The following SIRT1 variants were observed in gnomAD, a reference collection of about 807,000 sequenced individuals.
The protein encoded by SIRT1 is sirtuin 1.
In SIRT1, 24 loss-of-function variants were observed where a neutral mutation model predicts 67.9. That is an observed-to-expected ratio of 0.35 (90% confidence interval 0.26 to 0.50). SIRT1 has a LOEUF of 0.50. Among genes scored for constraint, SIRT1 ranks in the 20% least tolerant of loss-of-function variants. The pLI is 0.98. For missense variants in SIRT1, 873 were observed against 937.2 expected (o/e 0.93, Z 0.89); for synonymous variants, 378 against 350.7 (o/e 1.08, Z -0.87).
chr10:67,911,157 C>T (rs1452770617), intron 7 of SIRT1, among the ~76,000 whole-genome samples: 1 of 152,152 alleles, frequency 6.6e-6, no homozygotes, highest in Non-Finnish European at 1.5e-5. Flanking sequence ...TTGAGTTGCT[C>T]TTCTTAAAGC....
chr10:67,900,054 A>T (rs1842717649), intron 4 of SIRT1, among the ~76,000 whole-genome samples: 1 of 152,214 alleles, frequency 6.6e-6, no homozygotes, highest in Non-Finnish European at 1.5e-5. Context: ...GCTGTACTCC[A>T]GCCTGGGCAA....
rs1237527190 is a variant in SIRT1 at position 67,917,599 on chromosome 10, CCT to C, written c.*1007_*1008del. 6.6e-6 allele frequency: 1 copy of C among 152,434 alleles called. No homozygotes were observed. Among genetic ancestry groups the C allele is most frequent in the African/African-American group, 2.4e-5 (1 of 41,372 alleles). 9.4% of individuals were successfully genotyped at this position (152,434 alleles called of 1,614,324 possible). On this transcript the variant is annotated 3_prime_UTR_variant, in exon 9 of 9. Coordinates refer to ENST00000212015, the MANE Select transcript of SIRT1 (RefSeq NM_012238.5). ...CCATTAATGAGGAGAGCAACAGGCC[CCT>C]GATTATACAGTTCCAAAGTAATAAG...
At chr10:67,905,377 T>A (rs1394805672) in intron 4 of SIRT1, among the ~76,000 whole-genome samples, 1 of 152,246 alleles carries the variant, frequency 6.6e-6, no homozygotes, top group East Asian at 1.9e-4. Flanking sequence ...ATGCACTCTC[T>A]ATTTCTTAAA....
At chr10:67,896,581 A>C (rs933622023) in intron 4 of SIRT1, among the ~76,000 whole-genome samples, 10 of 152,108 alleles carry the variant, frequency 6.6e-5, no homozygotes, top group African/African-American at 2.2e-4. Context: ...GGATCACTTG[A>C]GGCTGGGAGT....
intron 8 of SIRT1, among the ~76,000 whole-genome samples, chr10:67,915,029 G>T (rs141838640): frequency 0.02 from 3,049 of 151,968 alleles, 40 homozygotes; most frequent in Non-Finnish European, 0.031. Context: ...CCCTGCCTGT[G>T]GTGTCTTGGG....
At chr10:67,907,015 T>C in intron 5 of SIRT1, 78 bp downstream of exon 5, 1 of 1,232,646 alleles carries the variant, frequency 8.1e-7, no homozygotes, top group Non-Finnish European at 1.1e-6. Context: ...CTGACTGCCA[T>C]CGAGAAGTGG....
chr10:67,884,779 GCCGACAGGGAGGCCGCGTCGTCCC>G lies in SIRT1; in HGVS notation c.62_85del (p.Asp21_Pro28del). The stretch of plus-strand genomic sequence containing the variant: ...CGGCGGCTCCCCCTCGGCGGCGGGG[GCCGACAGGGAGGCCGCGTCGTCCC>G]CCGCCGGGGAGCCGCTCCGCAAGAG... On this transcript the variant is annotated inframe_deletion, in exon 1 of 9. Transcript: ENST00000212015. 1 of 1,226,800 alleles carries G rather than the reference GCCGACAGGGAGGCCGCGTCGTCCC, an allele frequency of 8.2e-7. No individual in the cohort carries two copies. The highest frequency in any genetic ancestry group is 1.0e-6 in the Non-Finnish European group (1 of 984,648). 76.0% of individuals were successfully genotyped at this position (1,226,800 alleles called of 1,614,324 possible).
chr10:67,909,172 C>T, intron 6 of SIRT1, 84 bp from the exon 7 acceptor site: 10 of 854,204 alleles, frequency 1.2e-5, no homozygotes, highest in South Asian at 4.0e-5. Flanking sequence ...GAAATGTATT[C>T]TTAGAGGTAT....
At chr10:67,896,910 C>T (rs1286918108) in intron 4 of SIRT1, among the ~76,000 whole-genome samples, 3 of 152,074 alleles carry the variant, frequency 2.0e-5, no homozygotes, top group Non-Finnish European at 2.9e-5. Flanking sequence ...ACTTTAATCC[C>T]AGCCCTTTGG....
chr10:67,884,804 C>T lies in SIRT1; in HGVS notation c.83C>T (p.Pro28Leu). The change falls in exon 1 of 9, where the codon CCC (proline) becomes CTC (leucine). Residue 28 changes from proline (P) to leucine (L), a missense_variant. Coordinates refer to ENST00000212015, the MANE Select transcript of SIRT1 (RefSeq NM_012238.5). The part of the protein sequence containing the change: ...AGADREAASS[P>L]AGEPLRKRPR... ...GCCGACAGGGAGGCCGCGTCGTCCCCCGCCGGGGAGCCGCTCCGCAAGAGG... is the reference window on the plus strand; with the variant it reads ...GCCGACAGGGAGGCCGCGTCGTCCCTCGCCGGGGAGCCGCTCCGCAAGAGG... 8.2e-7 allele frequency: 1 copy of T among 1,226,144 alleles called. No individual in the cohort carries two copies. The highest frequency in any genetic ancestry group is 1.0e-6 in the Non-Finnish European group (1 of 984,322). 76.0% of individuals were successfully genotyped at this position (1,226,144 alleles called of 1,614,324 possible). A position where few individuals can be genotyped will look rare whatever the true frequency, so the allele number is the denominator to read the frequency against.
intron 1 of SIRT1, among the ~76,000 whole-genome samples, chr10:67,886,813 A>G (rs943354611): frequency 3.0e-4 from 45 of 150,104 alleles, no homozygotes; most frequent in African/African-American, 1.1e-3. Flanking sequence ...CACGAACGCT[A>G]TTGTTTGTGA....
chr10:67,913,004 A>C lies in SIRT1; in HGVS notation c.1888A>C (p.Lys630Gln). ...AAAATGCTGGCCTAATAGAGTGGCAAAGGAGCAGATTAGTAGGCGGCTTGA... is the reference window on the plus strand; with the variant it reads ...AAAATGCTGGCCTAATAGAGTGGCACAGGAGCAGATTAGTAGGCGGCTTGA... ...VRKCWPNRVA[K>Q]EQISRRLDGN... The change falls in exon 8 of 9, where the codon AAG (lysine) becomes CAG (glutamine). Residue 630 changes from lysine (K) to glutamine (Q), a missense_variant. Lys to Gln is a moderately conservative substitution (Grantham distance 53, BLOSUM62 1). This residue lies in a region of SIRT1 where 295 missense variants were observed against 294.5 expected (regional missense o/e 1.00). Coordinates refer to ENST00000212015, the MANE Select transcript of SIRT1 (RefSeq NM_012238.5). 1 of 1,610,118 alleles carries C rather than the reference A, an allele frequency of 6.2e-7. No individual in the cohort carries two copies. Among genetic ancestry groups the C allele is most frequent in the Non-Finnish European group, 8.5e-7 (1 of 1,178,834 alleles).
chr10:67,893,377 T>TA (rs1842603844), intron 4 of SIRT1, among the ~76,000 whole-genome samples: 1 of 152,162 alleles, frequency 6.6e-6, no homozygotes, highest in Admixed American at 6.6e-5. Context: ...AACTCTCACT[T>TA]ATGAGTGAGG....
chr10:67,909,358 G>C lies in SIRT1; in HGVS notation c.1273G>C (p.Ala425Pro), dbSNP rs200690371. 1.2e-6 allele frequency: 2 copies of C among 1,613,764 alleles called. No individual in the cohort carries two copies. The highest frequency in any genetic ancestry group is 1.7e-6 in the Non-Finnish European group (2 of 1,179,972). Residue 425 changes from alanine (A) to proline (P), a missense_variant, in exon 7 of 9, where the codon GCC becomes CCC. Ala to Pro is a conservative substitution (Grantham distance 27). Transcript: ENST00000212015. ...AAATTTACCAGAACAGTTTCATAGA[G>C]CCATGAAGTATGACAAAGATGAAGT... ...GENLPEQFHR[A>P]MKYDKDEVDL... is the part of the protein sequence containing the mutation.
chr10:67,907,949 C>T (rs1288524452), intron 5 of SIRT1, 97 bp from the exon 6 acceptor site: 1 of 1,027,812 alleles, frequency 9.7e-7, no homozygotes, highest in African/African-American at 1.6e-5. Flanking sequence ...CTTAAACCCT[C>T]TTAACATTTG....
chr10:67,886,227 C>T (rs1450045133), intron 1 of SIRT1, among the ~76,000 whole-genome samples: 1 of 151,730 alleles, frequency 6.6e-6, no homozygotes, highest in Non-Finnish European at 1.5e-5. Context: ...AGGCGTGAGC[C>T]ACCGCGCCCG....
At chr10:67,895,337 T>A (rs1464091417) in intron 4 of SIRT1, among the ~76,000 whole-genome samples, 1 of 152,092 alleles carries the variant, frequency 6.6e-6, no homozygotes, top group East Asian at 1.9e-4. Flanking sequence ...CGGGGAGAAT[T>A]GCTTGAAGCC....
At chr10:67,915,973 AGT>A (rs1182195142) in intron 8 of SIRT1, among the ~76,000 whole-genome samples, 8 of 152,148 alleles carry the variant, frequency 5.3e-5, no homozygotes, top group Admixed American at 1.3e-4. Flanking sequence ...CCCAGGACTA[AGT>A]GTATTGCTTG....
intron 4 of SIRT1, among the ~76,000 whole-genome samples, chr10:67,902,984 G>C (rs920599438): frequency 2.6e-5 from 4 of 152,148 alleles, no homozygotes; most frequent in Non-Finnish European, 5.9e-5. Flanking sequence ...CCAGCTCCTT[G>C]GGAGGCTGAG....
Sources: allele counts gnomAD v4.1 joint callset (sites outside exome capture counted in the v4.1 genomes callset), GRCh38; gene constraint gnomAD v4.1.1; regional missense constraint gnomAD v4.1.1; transcripts MANE v1.5; gene names NCBI Gene and HGNC (gene_info 2026-07-23, HGNC 2026-07-21).